PPP2R2B: variants seen among roughly 807,000 people sequenced by gnomAD.
PPP2R2B encodes the protein protein phosphatase 2 regulatory subunit Bbeta, also known as serine/threonine-protein phosphatase 2A 55 kDa regulatory subunit B beta isoform.
PPP2R2B carries 5 observed loss-of-function variants against 46.0 expected under a neutral mutation model. The observed-to-expected ratio is 0.11, with a 90% confidence interval of 0.06 to 0.23. The LOEUF (loss-of-function observed/expected upper bound fraction) is 0.23, where lower values mean the gene tolerates loss of function less well. Among genes scored for constraint, PPP2R2B ranks in the 10% least tolerant of loss-of-function variants. The pLI is 1.00. For synonymous variants in PPP2R2B, 215 were observed against 206.7 expected, an observed-to-expected ratio of 1.04 and a Z score of -0.34; for missense variants, 367 against 575.0, an observed-to-expected ratio of 0.64 and a Z score of 3.70.
chr5:146,948,408 G>A (rs1477914535), intron 1 of PPP2R2B, among the ~76,000 whole-genome samples: 1 of 152,074 alleles, frequency 6.6e-6, no homozygotes, highest in Admixed American at 6.6e-5. Flanking sequence ...CTTAATGCAT[G>A]TGAAGTCCTT....
intron 5 of PPP2R2B, among the ~76,000 whole-genome samples, chr5:146,652,075 G>A (rs1561805132): frequency 6.6e-6 from 1 of 152,140 alleles, no homozygotes; most frequent in African/African-American, 2.4e-5. Flanking sequence ...AAAGGAAAGG[G>A]AAGGAAAGTC....
rs191008372 is a variant in PPP2R2B at position 146,709,958 on chromosome 5, G to A, written c.71-8816C>T. ...CCAGGTTATTAATGCATGTTGAGTT[G>A]GAAACTCCCTTGCCTTACAACATAT... On this transcript the variant is annotated intron_variant, in intron 2 of 9. Coordinates refer to ENST00000394411, the MANE Select transcript of PPP2R2B (RefSeq NM_181675.4). Among the ~76,000 whole-genome samples, 272 of 152,178 alleles carry A rather than the reference G, an allele frequency of 1.8e-3. 1 individual carries two copies. Among genetic ancestry groups the A allele is most frequent in the African/African-American group, 6.3e-3 (263 of 41,488 alleles).
At chr5:146,983,546 G>A (rs1753284353) in intron 1 of PPP2R2B, among the ~76,000 whole-genome samples, 2 of 152,076 alleles carry the variant, frequency 1.3e-5, no homozygotes, top group South Asian at 4.1e-4. Context: ...ATAAACAAAA[G>A]TTATCACACT....
chr5:146,685,872 G>A lies in PPP2R2B; in HGVS notation c.447+5256C>T, dbSNP rs753810044. Among the ~76,000 whole-genome samples, 38 of 152,226 alleles carry A rather than the reference G, an allele frequency of 2.5e-4. 1 individual carries two copies. Among genetic ancestry groups the A allele is most frequent in the Non-Finnish European group, 4.7e-4 (32 of 67,996 alleles). ...ACCCTGTGGCAGAAAAGGCTCTGCA[G>A]CCCTCACCCCCCGCCTTCCACCCCA... On this transcript the variant is annotated intron_variant, in intron 5 of 9. Transcript: ENST00000394411.
At position 146,653,529 on chromosome 5, in the gene PPP2R2B, G is replaced by C. The variant is rs144710980; in HGVS notation, c.448-2805C>G. 7.1e-3 allele frequency among the ~76,000 whole-genome samples: 1,081 copies of C among 152,310 alleles called. 7 individuals are homozygous for C. Among genetic ancestry groups the C allele is most frequent in the Middle Eastern group, 0.044 (13 of 294 alleles). On this transcript the variant is annotated intron_variant, in intron 5 of 9. Coordinates refer to ENST00000394411, the MANE Select transcript of PPP2R2B (RefSeq NM_181675.4). ...CCGTCAAGAGGTACCAGAGCTCAAA[G>C]CAGGACCCCAAGGGTCACAAAAGAA...
intron 2 of PPP2R2B, among the ~76,000 whole-genome samples, chr5:146,741,453 C>G (rs1429767164): frequency 6.6e-6 from 1 of 152,132 alleles, no homozygotes; most frequent in Non-Finnish European, 1.5e-5. Context: ...AAAAATCCCG[C>G]CTTTCTAGGA....
rs184494064 is a variant in PPP2R2B, at chr5:147,070,254, A to G, written c.50+10805T>C. Among the ~76,000 whole-genome samples, 28 of 152,272 alleles carry G rather than the reference A, an allele frequency of 1.8e-4. No individual in the cohort carries two copies. In the East Asian group the frequency reaches 5.2e-3, roughly 28 times the overall value. ...TGTTTTCAACACCTACTGCCCATATATATTTACTGAATAAATGGATGAATA... is the reference window on the plus strand; with the variant it reads ...TGTTTTCAACACCTACTGCCCATATGTATTTACTGAATAAATGGATGAATA... On this transcript the variant is annotated intron_variant, in intron 2 of 10. Coordinates refer to the PPP2R2B transcript ENST00000394413.
upstream of PPP2R2B, among the ~76,000 whole-genome samples, chr5:147,057,254 TTCTGCAATAA>T (rs1455454929): frequency 2.6e-5 from 4 of 152,174 alleles, no homozygotes; most frequent in African/African-American, 9.6e-5. Flanking sequence ...GGCCATTTAG[TTCTGCAATAA>T]TCATATTACC....
upstream of PPP2R2B, among the ~76,000 whole-genome samples, chr5:146,882,571 G>A (rs1000285632): frequency 1.3e-5 from 2 of 152,134 alleles, no homozygotes; most frequent in African/African-American, 4.8e-5. Flanking sequence ...GTTATTACAA[G>A]GATTAAATGA....
In PPP2R2B at chr5:146,784,396, G is replaced by A. The variant is rs184845384; in HGVS notation, c.71-83254C>T. 6.6e-5 allele frequency among the ~76,000 whole-genome samples: 10 copies of A among 152,270 alleles called. No individual in the cohort carries two copies. The East Asian group carries it at 1.9e-3, about 29-fold the overall frequency. The stretch of plus-strand genomic sequence containing the variant: ...TCCATATTACCTACAAAATAGATGT[G>A]ATGAAGAAATATATTGGCACTTATA... On this transcript the variant is annotated intron_variant, in intron 2 of 9. Transcript: ENST00000394411.
intron 6 of PPP2R2B, among the ~76,000 whole-genome samples, chr5:146,642,110 G>A (rs1351290593): frequency 1.3e-5 from 2 of 152,228 alleles, no homozygotes; most frequent in Non-Finnish European, 2.9e-5. Flanking sequence ...TCTCTGCTGG[G>A]ACTCTGGAGG....
chr5:146,666,087 A>C (rs539342699), intron 5 of PPP2R2B, among the ~76,000 whole-genome samples: 1 of 152,352 alleles, frequency 6.6e-6, no homozygotes, highest in African/African-American at 2.4e-5. Context: ...AAACAATGTG[A>C]ATATCTATCA....
chr5:146,746,922 G>A (rs1753226222), intron 2 of PPP2R2B, among the ~76,000 whole-genome samples: 1 of 152,158 alleles, frequency 6.6e-6, no homozygotes, highest in Admixed American at 6.5e-5. Context: ...TTCATATGGC[G>A]AGTCCGAATT....
At chr5:146,590,303 C>T (rs1770488093) in intron 9 of PPP2R2B, 77 bp from the exon 10 acceptor site, 3 of 1,473,952 alleles carry the variant, frequency 2.0e-6, no homozygotes, top group Admixed American at 3.9e-5. Flanking sequence ...CATGTTATGG[C>T]CAGCTTATGA....
chr5:146,906,519 T>C (rs1330584991), intron 1 of PPP2R2B, among the ~76,000 whole-genome samples: 1 of 152,164 alleles, frequency 6.6e-6, no homozygotes, highest in Non-Finnish European at 1.5e-5. Context: ...ACGGGGTTTC[T>C]ACATATTGGT....
intron 2 of PPP2R2B, among the ~76,000 whole-genome samples, chr5:146,862,508 G>A (rs1360698728): frequency 6.6e-6 from 1 of 152,132 alleles, no homozygotes; most frequent in Admixed American, 6.5e-5. Context: ...TTGCTGTGGT[G>A]ATCAAACAAC....
chr5:146,991,958 A>G (rs1753714844), intron 1 of PPP2R2B, among the ~76,000 whole-genome samples: 1 of 152,180 alleles, frequency 6.6e-6, no homozygotes. Context: ...AAAGCAATCT[A>G]CAGAGTCCAT....
In PPP2R2B at chr5:146,587,415, C is replaced by T. The variant is rs116245984; in HGVS notation, c.*2532G>A. ...CCTCTGCTCTTTCTTCTCTGGCAAA[C>T]TCATCCTACTCTGGATCCCAGTTTG... On this transcript the variant is annotated 3_prime_UTR_variant, in exon 10 of 10. Transcript: ENST00000394411. The T allele has an allele frequency of 7.8e-3, 1,186 of 152,286 alleles. 6 individuals carry two copies. The highest frequency in any genetic ancestry group is 0.013 in the Non-Finnish European group (896 of 68,026). 9.4% of individuals were successfully genotyped at this position (152,286 alleles called of 1,614,324 possible). A position where few individuals can be genotyped will look rare whatever the true frequency, so the allele number is the denominator to read the frequency against.
chr5:146,965,682 T>C (rs1241234297), intron 1 of PPP2R2B, among the ~76,000 whole-genome samples: 3 of 152,216 alleles, frequency 2.0e-5, no homozygotes, highest in Admixed American at 6.5e-5. Flanking sequence ...CATTTGGTAG[T>C]ATGAATGCTA....
Sources: gnomAD v4.1 joint callset for allele counts (sites outside exome capture counted in the v4.1 genomes callset) on GRCh38, gnomAD v4.1.1 for gene constraint, MANE v1.5 for transcripts, NCBI Gene and HGNC (gene_info 2026-07-23, HGNC 2026-07-21) for gene names.